PLEKHA5: variants seen among roughly 807,000 people sequenced by gnomAD.
The protein encoded by PLEKHA5 is pleckstrin homology domain containing A5.
Under a neutral mutation model 181.9 loss-of-function variants are expected in PLEKHA5, and 55 were observed. The observed-to-expected ratio is 0.30, with a 90% CI of 0.24 to 0.38. PLEKHA5 has a LOEUF of 0.38. Among genes scored for constraint, PLEKHA5 ranks in the 10% least tolerant of loss-of-function variants. The pLI is 1.00. For missense variants in PLEKHA5, 1,432 were observed against 1,549.5 expected, an observed-to-expected ratio of 0.92 and a Z score of 1.27; for synonymous variants, 535 against 529.4, an observed-to-expected ratio of 1.01 and a Z score of -0.15.
intron 3 of PLEKHA5, chr12:19,150,981 G>A (rs1346570236): frequency 6.6e-6 from 1 of 152,244 alleles, no homozygotes; most frequent in Non-Finnish European, 1.5e-5. Context: ...CCACAGGGAA[G>A]TAGTTAAACA....
At chr12:19,184,834 G>A (rs1020769304) in intron 3 of PLEKHA5, among the ~76,000 whole-genome samples, 42 of 152,132 alleles carry the variant, frequency 2.8e-4, no homozygotes, top group African/African-American at 9.9e-4. Flanking sequence ...TAGAAAAAGA[G>A]GAGAGGACAC....
At chr12:19,273,290 AG>A (rs1202685454) in intron 10 of PLEKHA5, among the ~76,000 whole-genome samples, 8 of 152,262 alleles carry the variant, frequency 5.3e-5, no homozygotes, top group African/African-American at 1.9e-4. Context: ...CCAATCTAGA[AG>A]CCATGGTTTA....
At chr12:19,362,290 T>G (rs1244798676) in intron 29 of PLEKHA5, among the ~76,000 whole-genome samples, 2 of 151,750 alleles carry the variant, frequency 1.3e-5, no homozygotes, top group Admixed American at 1.3e-4. Context: ...TCCCAGCACT[T>G]TGGGAGGCCA....
chr12:19,264,843 T>A (rs1157757867), intron 7 of PLEKHA5, among the ~76,000 whole-genome samples: 2 of 152,226 alleles, frequency 1.3e-5, no homozygotes, highest in East Asian at 3.8e-4. Flanking sequence ...TTTTATGATT[T>A]CTCATTGGTG....
chr12:19,359,745 C>T (rs953454301), intron 28 of PLEKHA5, among the ~76,000 whole-genome samples, 199 bp downstream of exon 28: 6 of 151,654 alleles, frequency 4.0e-5, no homozygotes, highest in African/African-American at 4.8e-5. Flanking sequence ...AGGCGAATCA[C>T]GAGGTCAGGA....
At chr12:19,156,344 T>G (rs914709386) in intron 3 of PLEKHA5, among the ~76,000 whole-genome samples, 1 of 152,198 alleles carries the variant, frequency 6.6e-6, no homozygotes, top group African/African-American at 2.4e-5. Flanking sequence ...AAAACTGATT[T>G]TATGGAGTAT....
chr12:19,323,237 A>C (rs1311208619), intron 20 of PLEKHA5, among the ~76,000 whole-genome samples: 2 of 152,124 alleles, frequency 1.3e-5, no homozygotes, highest in East Asian at 3.9e-4. Context: ...TAAGAAAATA[A>C]GTAGTCTGGA....
At chr12:19,208,896 A>T (rs191881198) in intron 3 of PLEKHA5, among the ~76,000 whole-genome samples, 402 of 152,254 alleles carry the variant, frequency 2.6e-3, no homozygotes, top group African/African-American at 9.1e-3. Context: ...TGTAAAATTG[A>T]TATTTTGGTA....
At chr12:19,284,434 A>G (rs550999598) in intron 12 of PLEKHA5, among the ~76,000 whole-genome samples, 2 of 152,260 alleles carry the variant, frequency 1.3e-5, no homozygotes, top group African/African-American at 4.8e-5. Context: ...GTCTTCTGGC[A>G]TACCTGAAAT....
At chr12:19,211,739 T>A (rs914736149) in intron 3 of PLEKHA5, among the ~76,000 whole-genome samples, 1 of 152,168 alleles carries the variant, frequency 6.6e-6, no homozygotes, top group African/African-American at 2.4e-5. Context: ...TAAAACAGAA[T>A]GAGTGTTGTG....
intron 3 of PLEKHA5, among the ~76,000 whole-genome samples, chr12:19,179,883 A>G (rs958398762): frequency 6.6e-6 from 1 of 152,212 alleles, no homozygotes; most frequent in Non-Finnish European, 1.5e-5. Flanking sequence ...TATTTTTTAA[A>G]GAGAAAGGGT....
At chr12:19,134,881 A>C (rs2035144714) in intron 3 of PLEKHA5, among the ~76,000 whole-genome samples, 1 of 152,152 alleles carries the variant, frequency 6.6e-6, no homozygotes, top group Non-Finnish European at 1.5e-5. Flanking sequence ...TAGGAGTCTG[A>C]AGTAGGAAAG....
At chr12:19,356,662 C>CTTTTTTTTTTTTTTTTTTTTTTTTTT (rs57809332) in intron 26 of PLEKHA5, among the ~76,000 whole-genome samples, 1 of 99,820 alleles carries the variant, frequency 1.0e-5, no homozygotes, top group Non-Finnish European at 1.8e-5. Flanking sequence ...AGTTGTTTTT[C>CTTTTTTTTTTTTTTTTTTTTTTTTTT]TTTTTTTTTT....
chr12:19,368,109 T>A (rs995419111), intron 30 of PLEKHA5, among the ~76,000 whole-genome samples: 5 of 152,092 alleles, frequency 3.3e-5, no homozygotes, highest in Non-Finnish European at 5.9e-5. Context: ...AATTTACTTA[T>A]TTAAAATAAA....
At chr12:19,152,703 A>G (rs1440489942) in intron 3 of PLEKHA5, 2 of 152,210 alleles carry the variant, frequency 1.3e-5, no homozygotes, top group Non-Finnish European at 2.9e-5. Flanking sequence ...TTTGTCAGAC[A>G]TAAGGGAAAA....
chr12:19,357,669 T>C (rs2095025705), intron 26 of PLEKHA5, among the ~76,000 whole-genome samples: 1 of 151,938 alleles, frequency 6.6e-6, no homozygotes, highest in Non-Finnish European at 1.5e-5. Flanking sequence ...GGCTCTGTCA[T>C]GTCATCTGCA....
chr12:19,133,324 A>T (rs1381305614), intron 3 of PLEKHA5, among the ~76,000 whole-genome samples: 1 of 151,964 alleles, frequency 6.6e-6, no homozygotes, highest in Non-Finnish European at 1.5e-5. Context: ...GAAAAATTTT[A>T]ATCCCCCAAC....
At chr12:19,202,654 A>G (rs1305919474) in intron 3 of PLEKHA5, among the ~76,000 whole-genome samples, 1 of 151,586 alleles carries the variant, frequency 6.6e-6, no homozygotes, top group Non-Finnish European at 1.5e-5. Flanking sequence ...AACCCTAACA[A>G]ACTCCAATTG....
At chr12:19,319,920 T>TATA (rs2090165216) in intron 16 of PLEKHA5, 101 bp from the exon 17 acceptor site, 1 of 680,228 alleles carries the variant, frequency 1.5e-6, no homozygotes, top group Non-Finnish European at 2.4e-6. Context: ...TTATGAAATT[T>TATA]GACTATCCAT....
Sources: gnomAD v4.1 joint callset for allele counts (sites outside exome capture counted in the v4.1 genomes callset) on GRCh38, gnomAD v4.1.1 for gene constraint, MANE v1.5 for transcripts, NCBI Gene and HGNC (gene_info 2026-07-23, HGNC 2026-07-21) for gene names.